SLC35B4: variants seen among roughly 807,000 people sequenced by gnomAD.
The protein encoded by SLC35B4 is nucleotide sugar transporter SLC35B4.
A neutral mutation model predicts 39.5 loss-of-function variants in SLC35B4; 28 were observed. That is an observed-to-expected ratio of 0.71 (90% CI 0.53 to 0.97). The LOEUF is 0.97. Ranked by LOEUF, SLC35B4 falls within the 50% of genes least tolerant of loss-of-function variation. The pLI, the probability that SLC35B4 is intolerant of heterozygous loss-of-function variation, is 0.00. For missense variants in SLC35B4, 334 were observed against 414.3 expected (o/e 0.81, Z 1.68); for synonymous variants, 145 against 150.4 (o/e 0.96, Z 0.26).
Position 134,289,573 on chromosome 7 carries a change from C to T in SLC35B4, c.*5260G>A, listed in dbSNP as rs1032893095. On this transcript the variant is annotated 3_prime_UTR_variant, in exon 10 of 10. Coordinates refer to ENST00000378509, the MANE Select transcript of SLC35B4 (RefSeq NM_032826.5). Reference sequence around the variant, plus strand: ...GCTCAGACGGGATGAATAAAATCCCCGCCGTCCCTCCCCACCACATAATTT... The same window carrying T: ...GCTCAGACGGGATGAATAAAATCCCTGCCGTCCCTCCCCACCACATAATTT... 2.6e-5 allele frequency: 4 copies of T among 152,592 alleles called. No homozygotes were observed. The highest frequency in any genetic ancestry group is 9.7e-5 in the African/African-American group (4 of 41,446). The allele number at this position is 152,592 out of a possible 1,614,324, so 9.5% of individuals were successfully genotyped here. A position where few individuals can be genotyped will look rare whatever the true frequency, so the allele number is the denominator to read the frequency against.
intron 7 of SLC35B4, 80 bp downstream of exon 7, chr7:134,300,072 A>T: frequency 9.6e-7 from 1 of 1,037,678 alleles, no homozygotes; most frequent in Middle Eastern, 2.1e-4. Context: ...CAACTACATC[A>T]GAGAATATTA....
At chr7:134,313,560 T>C (rs182796790) in intron 1 of SLC35B4, among the ~76,000 whole-genome samples, 1 of 152,356 alleles carries the variant, frequency 6.6e-6, no homozygotes, top group East Asian at 1.9e-4. Flanking sequence ...CATTACTACC[T>C]ATCTGCTCTG....
At chr7:134,304,701 G>A (rs1803666384) in intron 4 of SLC35B4, 104 bp downstream of exon 4, 1 of 873,836 alleles carries the variant, frequency 1.1e-6, no homozygotes, top group Non-Finnish European at 1.8e-6. Context: ...ATGGCCAGAA[G>A]CAAACTTATC....
In SLC35B4 at chr7:134,290,048, A is replaced by C. The variant is rs1302168608; in HGVS notation, c.*4785T>G. On this transcript the variant is annotated 3_prime_UTR_variant, in exon 10 of 10. Coordinates refer to ENST00000378509, the MANE Select transcript of SLC35B4 (RefSeq NM_032826.5). ...CTGCTACAAGCTAACTGTACCAACT[A>C]TGGAGATGTAAGGGTGGGGCTGGTC... is the stretch of plus-strand genomic sequence containing the variant. 1 of 152,196 alleles carries C rather than the reference A, an allele frequency of 6.6e-6. No homozygotes were observed. Among genetic ancestry groups the C allele is most frequent in the African/African-American group, 2.4e-5 (1 of 41,454 alleles). 9.4% of individuals were successfully genotyped at this position (152,196 alleles called of 1,614,324 possible).
chr7:134,304,960 G>T, intron 3 of SLC35B4, 106 bp from the exon 4 acceptor site: 1 of 822,436 alleles, frequency 1.2e-6, no homozygotes, highest in Non-Finnish European at 2.0e-6. Context: ...ATGGAATGAA[G>T]GAAGCTAGGA....
chr7:134,304,582 C>A (rs1206389004), intron 4 of SLC35B4, among the ~76,000 whole-genome samples: 1 of 152,126 alleles, frequency 6.6e-6, no homozygotes, highest in East Asian at 1.9e-4. Flanking sequence ...ATGCCAAGAG[C>A]TATTCAGTTC....
upstream of SLC35B4, among the ~76,000 whole-genome samples, chr7:134,319,647 C>T (rs1585652146): frequency 6.6e-6 from 1 of 152,286 alleles, no homozygotes; most frequent in South Asian, 2.1e-4. Flanking sequence ...TGTCCTTAAT[C>T]AAAATTTCCA....
intron 9 of SLC35B4, 56 bp from the exon 10 acceptor site, chr7:134,295,135 G>C: frequency 4.4e-6 from 7 of 1,588,454 alleles, no homozygotes; most frequent in Non-Finnish European, 6.0e-6. Context: ...GGATCAGTGA[G>C]AGAACCTTCT....
chr7:134,310,670 G>A (rs539508369), intron 1 of SLC35B4, among the ~76,000 whole-genome samples: 11 of 151,534 alleles, frequency 7.3e-5, no homozygotes, highest in Admixed American at 1.3e-4. Context: ...TCAGCCTCCC[G>A]AGGAGCTGGG....
At chr7:134,301,295 CCCCAGGAG>C (rs1219498483) in intron 6 of SLC35B4, among the ~76,000 whole-genome samples, 1 of 152,108 alleles carries the variant, frequency 6.6e-6, no homozygotes, top group African/African-American at 2.4e-5. Context: ...TTTAAAAATT[CCCCAGGAG>C]ATTCTGATAA....
intron 8 of SLC35B4, among the ~76,000 whole-genome samples, chr7:134,297,288 T>C: frequency 6.6e-6 from 1 of 152,234 alleles, no homozygotes; most frequent in East Asian, 1.9e-4. Flanking sequence ...CACAGGTTGG[T>C]GGCAGTATAA....
At chr7:134,311,418 G>A (rs978800394) in intron 1 of SLC35B4, among the ~76,000 whole-genome samples, 7 of 152,302 alleles carry the variant, frequency 4.6e-5, no homozygotes, top group Admixed American at 2.6e-4. Flanking sequence ...CACTTTGGGA[G>A]GCTAAGGCAG....
intron 2 of SLC35B4, among the ~76,000 whole-genome samples, chr7:134,307,721 A>G (rs1671972000): frequency 2.0e-5 from 3 of 152,232 alleles, no homozygotes; most frequent in Admixed American, 1.3e-4. Context: ...GACAGCACTG[A>G]GTCCTAAGTG....
chr7:134,295,170 C>T (rs1384054771), intron 9 of SLC35B4, 91 bp from the exon 10 acceptor site: 3 of 1,505,190 alleles, frequency 2.0e-6, no homozygotes, highest in Non-Finnish European at 2.7e-6. Flanking sequence ...TTTAACTTCT[C>T]ATATTCTAAG....
chr7:134,298,364 T>C (rs960686739), intron 8 of SLC35B4, among the ~76,000 whole-genome samples: 1 of 152,222 alleles, frequency 6.6e-6, no homozygotes, highest in Non-Finnish European at 1.5e-5. Context: ...TTTAGCTCTC[T>C]TGGAAAATTC....
rs1207746388 is a variant in SLC35B4, at chr7:134,302,054, C to A, written c.401G>T (p.Cys134Phe). The A allele has an allele frequency of 1.2e-6, 2 of 1,613,536 alleles. No individual in the cohort carries two copies. The highest frequency in any genetic ancestry group is 1.7e-6 in the Non-Finnish European group (2 of 1,179,902). Residue 134 changes from cysteine (C) to phenylalanine (F), a missense_variant, in exon 5 of 10, where the codon TGC becomes TTC. By Grantham distance (205) the Cys-to-Phe change is radical (BLOSUM62 -2). Coordinates refer to ENST00000378509, the MANE Select transcript of SLC35B4 (RefSeq NM_032826.5). The stretch of plus-strand genomic sequence containing the variant: ...CACCTGCTTTGCTGACATAAAAGTG[C>A]AAATAAATATCCCCACAGACACCAG... ...IALVSVGIFI[C>F]TFMSAKQVTS...
At chr7:134,319,243 C>T (rs1375854116), upstream of SLC35B4, among the ~76,000 whole-genome samples, 1 of 152,196 alleles carries the variant, frequency 6.6e-6, no homozygotes, top group Non-Finnish European at 1.5e-5. Flanking sequence ...TCTTAAACTA[C>T]TCTGATCAAT....
rs1444768920 is a variant in SLC35B4, at chr7:134,293,251, A to C, written c.*1582T>G. 2 of 152,232 alleles carry C rather than the reference A, an allele frequency of 1.3e-5. No individual in the cohort carries two copies. Among genetic ancestry groups the C allele is most frequent in the Admixed American group, 6.5e-5 (1 of 15,292 alleles). The allele number at this position is 152,232 out of a possible 1,614,324, so 9.4% of individuals were successfully genotyped here. A position where few individuals can be genotyped will look rare whatever the true frequency, so the allele number is the denominator to read the frequency against. ...GTACTGGTATGTAAGGTTCCAGCTA[A>C]GTAAAGAAAAGGGATGTGAAAGTGC... On this transcript the variant is annotated 3_prime_UTR_variant, in exon 10 of 10. Coordinates refer to ENST00000378509, the MANE Select transcript of SLC35B4 (RefSeq NM_032826.5).
chr7:134,294,880 G>A lies in SLC35B4; in HGVS notation c.949C>T (p.Leu317=). 2 of 1,614,098 alleles carry A rather than the reference G, an allele frequency of 1.2e-6. No individual in the cohort carries two copies. The highest frequency in any genetic ancestry group is 1.7e-6 in the Non-Finnish European group (2 of 1,180,020). ...TGAGGCTCACTTTTTGTGGTCCCTA[G>A]GTTGTTCCACACCTCTGTGTACATT... ...TLMYTEVWNN[L]GTTKSEPQKD... The change falls in exon 10 of 10, where the codon CTA becomes TTA. Residue 317 remains leucine, a synonymous_variant. Coordinates refer to ENST00000378509, the MANE Select transcript of SLC35B4 (RefSeq NM_032826.5).
Sources: allele counts gnomAD v4.1 joint callset (sites outside exome capture counted in the v4.1 genomes callset), GRCh38; gene constraint gnomAD v4.1.1; transcripts MANE v1.5; gene names NCBI Gene and HGNC (gene_info 2026-07-23, HGNC 2026-07-21).